The following ACOX3 variants were observed in gnomAD, a reference collection of about 807,000 sequenced individuals.
ACOX3 encodes the protein peroxisomal acyl-coenzyme A oxidase 3.
Under a neutral mutation model 81.5 loss-of-function variants are expected in ACOX3, and 73 were observed. The observed-to-expected ratio is 0.90, with a 90% CI of 0.74 to 1.09. The LOEUF (loss-of-function observed/expected upper bound fraction) is 1.09. Ranked by LOEUF, ACOX3 falls within the 50% of genes least tolerant of loss-of-function variation. The pLI, the probability that ACOX3 is intolerant of heterozygous loss-of-function variation, is 0.00. For missense variants in ACOX3, 947 were observed against 928.0 expected (o/e 1.02, Z -0.27); for synonymous variants, 387 against 375.1 (o/e 1.03, Z -0.37).
chr4:8,403,811 A>G (rs1251139774), intron 7 of ACOX3, among the ~76,000 whole-genome samples: 1 of 152,206 alleles, frequency 6.6e-6, no homozygotes, highest in Non-Finnish European at 1.5e-5. Flanking sequence ...ATGTCCCAAA[A>G]TAATGTCAAA....
At chr4:8,428,200 C>T in intron 1 of ACOX3, among the ~76,000 whole-genome samples, 1 of 152,228 alleles carries the variant, frequency 6.6e-6, no homozygotes, top group Non-Finnish European at 1.5e-5. Context: ...ACCCTGGCCC[C>T]CCCGCCCGCG....
At chr4:8,417,325 C>T (rs2631764) in intron 1 of ACOX3, among the ~76,000 whole-genome samples, 52,843 of 152,166 alleles carry the variant, frequency 0.35, 10,038 homozygotes, top group South Asian at 0.46. Context: ...AAACAGCCTG[C>T]GGTGCTGGAG....
At chr4:8,372,282 T>C (rs1267718126) in intron 16 of ACOX3, among the ~76,000 whole-genome samples, 2 of 152,192 alleles carry the variant, frequency 1.3e-5, no homozygotes, top group Non-Finnish European at 1.5e-5. Flanking sequence ...TTATTTTTTG[T>C]AGAGATGAAG....
At chr4:8,418,783 C>T (rs571636680) in intron 1 of ACOX3, among the ~76,000 whole-genome samples, 18 of 152,194 alleles carry the variant, frequency 1.2e-4, no homozygotes, top group African/African-American at 3.4e-4. Flanking sequence ...TCGGTTGAAC[C>T]GGGAGGCAGA....
chr4:8,414,478 C>A lies in ACOX3; in HGVS notation c.454-97G>T. 8.8e-7 allele frequency: 1 copy of A among 1,142,504 alleles called. No individual in the cohort carries two copies. The highest frequency in any genetic ancestry group is 1.3e-6 in the Non-Finnish European group (1 of 770,830). The allele number at this position is 1,142,504 out of a possible 1,614,324, so 70.8% of individuals were successfully genotyped here. A position where few individuals can be genotyped will look rare whatever the true frequency, so the allele number is the denominator to read the frequency against. On this transcript the variant is annotated intron_variant, in intron 4 of 17. Transcript: ENST00000356406. This position sits in a 1 kb window ranked among gnomAD's most constrained non-coding sequence, Gnocchi z 6.1. ...GCCATCTTTCCTTTAAAGATGAAACCACATATCAAAGCCCCAAATTTCCAT... is the reference window on the plus strand; with the variant it reads ...GCCATCTTTCCTTTAAAGATGAAACAACATATCAAAGCCCCAAATTTCCAT...
intron 3 of ACOX3, 86 bp downstream of exon 3, chr4:8,415,680 C>T (rs537235322): frequency 1.7e-6 from 2 of 1,152,090 alleles, no homozygotes; most frequent in African/African-American, 1.5e-5. Flanking sequence ...TGTTTCTCTG[C>T]CTCTTGGTTG....
chr4:8,437,247 C>T lies in ACOX3; in HGVS notation c.-15+3401G>A, dbSNP rs1004716494. ...CAGTCTATAAAAGTGGCCACCAAGG[C>T]GTATGTTAGCTGTGACCAAGGAACA... On this transcript the variant is annotated intron_variant, in intron 1 of 17. Transcript: ENST00000356406. The surrounding 1 kb of genome is among the most constrained non-coding windows in gnomAD (Gnocchi z 5.2). Among the ~76,000 whole-genome samples the T allele has an allele frequency of 9.3e-5, 14 of 151,346 alleles. No homozygotes were observed. Among genetic ancestry groups the T allele is most frequent in the African/African-American group, 3.4e-4 (14 of 41,250 alleles).
intron 5 of ACOX3, among the ~76,000 whole-genome samples, chr4:8,413,561 G>A (rs1165211978): frequency 1.7e-4 from 22 of 127,500 alleles, no homozygotes; most frequent in South Asian, 5.5e-4. Flanking sequence ...TCTGTGTCCC[G>A]TCTCACTGCA....
Position 8,389,775 on chromosome 4 carries a change from AT to A in ACOX3, c.1301-42del. On this transcript the variant is annotated intron_variant, in intron 11 of 17. Transcript: ENST00000356406. The surrounding 1 kb of genome is among the most constrained non-coding windows in gnomAD (Gnocchi z 5.3). ...AATAGTACCATCATTTAAGACGCATATTTGAGAAGCAGCCTGTCACTATGTG... is the reference window on the plus strand; with the variant it reads ...AATAGTACCATCATTTAAGACGCATATTGAGAAGCAGCCTGTCACTATGTG... 1 of 1,606,688 alleles carries A rather than the reference AT, an allele frequency of 6.2e-7. No homozygotes were observed. Among genetic ancestry groups the A allele is most frequent in the South Asian group, 1.1e-5 (1 of 90,806 alleles).
At chr4:8,440,505 A>C (rs1724554509) in intron 1 of ACOX3, 143 bp downstream of exon 1, 1 of 289,178 alleles carries the variant, frequency 3.5e-6, no homozygotes, top group Non-Finnish European at 6.4e-6. Context: ...ACGTTCACAA[A>C]CTTAGGCTCC....
At chr4:8,408,426 C>A (rs1269758795) in intron 6 of ACOX3, among the ~76,000 whole-genome samples, 1 of 152,152 alleles carries the variant, frequency 6.6e-6, no homozygotes, top group East Asian at 1.9e-4. Context: ...GAGGTGGACT[C>A]AGGTGCCCTG....
intron 13 of ACOX3, among the ~76,000 whole-genome samples, chr4:8,387,254 C>T (rs1718423139): frequency 1.3e-5 from 2 of 152,244 alleles, no homozygotes; most frequent in Non-Finnish European, 2.9e-5. Flanking sequence ...GTACCATCCC[C>T]GTCCCCGTGC....
At position 8,407,603 on chromosome 4, in the gene ACOX3, G is replaced by A. The variant is rs1721136130; in HGVS notation, c.688-1560C>T. ...CCATGAGAGACTAACACGGGGGCCG[G>A]TGCTGCCGGGAGGACGTCGGGAATT... On this transcript the variant is annotated intron_variant, in intron 6 of 17. Coordinates refer to ENST00000356406, the MANE Select transcript of ACOX3 (RefSeq NM_003501.3). This position sits in a 1 kb window ranked among gnomAD's most constrained non-coding sequence, Gnocchi z 4.6. Among the ~76,000 whole-genome samples the A allele has an allele frequency of 2.0e-5, 3 of 152,238 alleles. No individual in the cohort carries two copies. Among genetic ancestry groups the A allele is most frequent in the African/African-American group, 7.2e-5 (3 of 41,462 alleles).
chr4:8,404,336 T>A (rs928129048), intron 7 of ACOX3, among the ~76,000 whole-genome samples: 1 of 152,026 alleles, frequency 6.6e-6, no homozygotes, highest in Non-Finnish European at 1.5e-5. Context: ...CAACATTAAC[T>A]AGCAGGTTCC....
intron 14 of ACOX3, among the ~76,000 whole-genome samples, chr4:8,378,505 C>G (rs557768404): frequency 3.0e-4 from 45 of 152,096 alleles, no homozygotes; most frequent in African/African-American, 1.0e-3. Context: ...GCTGCGGGGA[C>G]GCCACCACCC....
At chr4:8,439,956 TAGCC>T (rs778538792) in intron 1 of ACOX3, among the ~76,000 whole-genome samples, 6 of 152,028 alleles carry the variant, frequency 3.9e-5, no homozygotes, top group Non-Finnish European at 8.8e-5. Context: ...GTCAGATAAA[TAGCC>T]AGACAACCTT....
chr4:8,440,519 A>G (rs1579020964), intron 1 of ACOX3, 129 bp downstream of exon 1: 3 of 317,330 alleles, frequency 9.5e-6, no homozygotes, highest in Non-Finnish European at 1.7e-5. Context: ...AGGCTCCCTG[A>G]CTTTTATCGG....
At position 8,414,224 on chromosome 4, in the gene ACOX3, A is replaced by C; in HGVS notation, c.543+68T>G. On this transcript the variant is annotated intron_variant, in intron 5 of 17. Coordinates refer to ENST00000356406, the MANE Select transcript of ACOX3 (RefSeq NM_003501.3). The surrounding 1 kb of genome is among the most constrained non-coding windows in gnomAD (Gnocchi z 6.1). ...ATGTTTTTTTTTTCTTATTCTGGGC[A>C]ACGGCATTTGCACTCATGACGTCTC... 1 of 1,326,478 alleles carries C rather than the reference A, an allele frequency of 7.5e-7. No homozygotes were observed. Among genetic ancestry groups the C allele is most frequent in the Non-Finnish European group, 1.1e-6 (1 of 927,158 alleles). 82.2% of individuals were successfully genotyped at this position (1,326,478 alleles called of 1,614,324 possible).
downstream of ACOX3, among the ~76,000 whole-genome samples, chr4:8,364,508 G>A (rs11730528): frequency 0.32 from 34,428 of 107,758 alleles, 4,851 homozygotes; most frequent in East Asian, 0.53. This position sits in a 1 kb window ranked among gnomAD's most constrained non-coding sequence, Gnocchi z 5.0. Context: ...CTGACATGGT[G>A]ACATCGTGGC....
Sources: allele counts gnomAD v4.1 joint callset (sites outside exome capture counted in the v4.1 genomes callset), GRCh38; gene constraint gnomAD v4.1.1; non-coding constraint Gnocchi (gnomAD v3.1); transcripts MANE v1.5; gene names NCBI Gene and HGNC (gene_info 2026-07-23, HGNC 2026-07-21).